CTNNA2: variants seen among roughly 807,000 people sequenced by gnomAD.
CTNNA2 encodes the protein catenin alpha-2.
CTNNA2 carries 42 observed loss-of-function variants against 101.0 expected under a neutral mutation model. That is an observed-to-expected ratio of 0.42 (90% confidence interval 0.32 to 0.54). CTNNA2 has a LOEUF of 0.54. CTNNA2 is among the 20% of genes least tolerant of loss of function. CTNNA2 has a pLI of 0.14. For missense variants in CTNNA2, 871 were observed against 1,223.1 expected (o/e 0.71, Z 4.29); for synonymous variants, 450 against 456.4 (o/e 0.99, Z 0.18).
At chr2:79,894,415 A>G (rs1437214290) in intron 6 of CTNNA2, among the ~76,000 whole-genome samples, 1 of 151,056 alleles carries the variant, frequency 6.6e-6, no homozygotes, top group African/African-American at 2.4e-5. Flanking sequence ...ATTATTTACT[A>G]GTAAAACTCT....
intron 2 of CTNNA2, among the ~76,000 whole-genome samples, chr2:79,685,485 G>A (rs1683870799): frequency 6.6e-6 from 1 of 152,144 alleles, no homozygotes. Flanking sequence ...TAGGCCTAGT[G>A]GGGTAGTCAC....
At chr2:79,881,778 T>A (rs541646442) in intron 6 of CTNNA2, among the ~76,000 whole-genome samples, 1 of 151,584 alleles carries the variant, frequency 6.6e-6, no homozygotes, top group South Asian at 2.1e-4. Context: ...AGTCTGTGTC[T>A]TTTAATTGGG....
chr2:79,860,987 G>A (rs1681581180), intron 4 of CTNNA2, among the ~76,000 whole-genome samples: 2 of 152,148 alleles, frequency 1.3e-5, no homozygotes, highest in South Asian at 2.1e-4. Context: ...ATGTCAAATA[G>A]CTTTACATAT....
At chr2:79,463,657 G>A (rs2104537939) in intron 4 of CTNNA2, among the ~76,000 whole-genome samples, 1 of 152,254 alleles carries the variant, frequency 6.6e-6, no homozygotes, top group African/African-American at 2.4e-5. Flanking sequence ...TGATACCTTG[G>A]AAGCAAAGAT....
chr2:80,584,880 A>C (rs772327996), intron 14 of CTNNA2, among the ~76,000 whole-genome samples: 1 of 152,122 alleles, frequency 6.6e-6, no homozygotes, highest in Non-Finnish European at 1.5e-5. Context: ...CACCTAAAAG[A>C]GTTGGATCAT....
intron 7 of CTNNA2, among the ~76,000 whole-genome samples, chr2:79,958,837 A>G (rs1399204405): frequency 6.6e-6 from 1 of 151,454 alleles, no homozygotes; most frequent in Admixed American, 6.6e-5. Context: ...ATCTTTACTC[A>G]TATTTCTATT....
intron 7 of CTNNA2, among the ~76,000 whole-genome samples, chr2:79,919,636 G>A (rs1347394037): frequency 6.6e-6 from 1 of 152,154 alleles, no homozygotes; most frequent in South Asian, 2.1e-4. Flanking sequence ...TCACAAAATT[G>A]TCAGGGAGAG....
At chr2:80,242,093 A>G (rs1254300365) in intron 7 of CTNNA2, among the ~76,000 whole-genome samples, 1 of 152,236 alleles carries the variant, frequency 6.6e-6, no homozygotes, top group Non-Finnish European at 1.5e-5. Context: ...CCGTCAGCTC[A>G]TTAGATTCTC....
At chr2:79,307,317 A>G (rs991549210) in intron 2 of CTNNA2, among the ~76,000 whole-genome samples, 2 of 148,686 alleles carry the variant, frequency 1.3e-5, no homozygotes, top group African/African-American at 5.1e-5. Context: ...CTACAGTGCT[A>G]TAGAGCACCG....
intron 4 of CTNNA2, among the ~76,000 whole-genome samples, chr2:79,487,109 A>T (rs1037086278): frequency 2.0e-4 from 30 of 152,206 alleles, no homozygotes; most frequent in Non-Finnish European, 4.3e-4. Flanking sequence ...GCAGTTTAAA[A>T]GATGCATTAA....
intron 3 of CTNNA2, among the ~76,000 whole-genome samples, chr2:79,855,994 G>A (rs1044148134): frequency 1.8e-4 from 28 of 152,316 alleles, no homozygotes; most frequent in South Asian, 8.3e-4. Flanking sequence ...GAGGCAAGAG[G>A]AGGAGATGTA....
At chr2:80,117,924 C>A (rs1487777940) in intron 7 of CTNNA2, among the ~76,000 whole-genome samples, 2 of 152,056 alleles carry the variant, frequency 1.3e-5, no homozygotes, top group Non-Finnish European at 2.9e-5. Flanking sequence ...GTAACAATAA[C>A]CTTATGAGGT....
intron 2 of CTNNA2, among the ~76,000 whole-genome samples, chr2:79,661,823 G>A (rs554380665): frequency 6.6e-6 from 1 of 151,926 alleles, no homozygotes; most frequent in Non-Finnish European, 1.5e-5. Flanking sequence ...GTGTCAACTT[G>A]GTAAGGTCAG....
chr2:79,817,152 C>T (rs2105362714), intron 3 of CTNNA2, among the ~76,000 whole-genome samples: 1 of 152,102 alleles, frequency 6.6e-6, no homozygotes, highest in Non-Finnish European at 1.5e-5. Flanking sequence ...CGTCATTTAG[C>T]ATTAGGTATA....
chr2:79,868,667 A>G (rs1682334486), intron 4 of CTNNA2, among the ~76,000 whole-genome samples: 1 of 152,248 alleles, frequency 6.6e-6, no homozygotes, highest in Non-Finnish European at 1.5e-5. Context: ...GCCCAAAATT[A>G]CAAGAGCCGA....
In CTNNA2 at chr2:79,380,117, G is replaced by A. The variant is rs186904278; in HGVS notation, c.-135+6104G>A. ...ACTTTTTATAATCTCCAAACTGGAC[G>A]GAAATTTTCTTGCAAAATGATACAT... On this transcript the variant is annotated intron_variant, in intron 4 of 21. Transcript: ENST00000466387. Among the ~76,000 whole-genome samples the A allele has an allele frequency of 2.3e-3, 346 of 152,204 alleles. 1 individual carries two copies. The Middle Eastern group carries it at 0.034, about 15-fold the overall frequency.
chr2:80,578,073 C>T (rs1695215748), intron 13 of CTNNA2, among the ~76,000 whole-genome samples: 1 of 152,164 alleles, frequency 6.6e-6, no homozygotes, highest in South Asian at 2.1e-4. Context: ...TGAACGGGTC[C>T]TGTTTTGCAA....
intron 1 of CTNNA2, among the ~76,000 whole-genome samples, chr2:79,188,875 T>C (rs762036203): frequency 2.0e-5 from 3 of 152,160 alleles, no homozygotes; most frequent in African/African-American, 7.2e-5. Flanking sequence ...CTCCACTCCA[T>C]TGAAAGCAAT....
rs572571222 is a variant in CTNNA2, at chr2:79,491,989, G to A, written c.-134-13065G>A. On this transcript the variant is annotated intron_variant, in intron 4 of 21. Coordinates refer to the CTNNA2 transcript ENST00000466387. ...GATCACCAGAAAGAGGCAAAAATGC[G>A]TTATCTAGCTCCACATATACTTGTC... is the stretch of plus-strand genomic sequence containing the variant. 1.4e-4 allele frequency among the ~76,000 whole-genome samples: 22 copies of A among 152,176 alleles called. No individual in the cohort carries two copies. The East Asian group carries it at 3.7e-3, about 25-fold the overall frequency.
Sources: allele counts gnomAD v4.1 joint callset (sites outside exome capture counted in the v4.1 genomes callset), GRCh38; gene constraint gnomAD v4.1.1; transcripts MANE v1.5; gene names NCBI Gene and HGNC (gene_info 2026-07-23, HGNC 2026-07-21).